CFH: variants seen among roughly 807,000 people sequenced by gnomAD.
The protein encoded by CFH is H factor 1 (complement).
Under a neutral mutation model 147.3 loss-of-function variants are expected in CFH, and 53 were observed. That is an observed-to-expected ratio of 0.36 (90% CI 0.29 to 0.45). The LOEUF is 0.45. Among genes scored for constraint, CFH ranks in the 20% least tolerant of loss-of-function variants. The pLI is 1.00. For missense variants in CFH, 1,380 were observed against 1,498.0 expected (o/e 0.92, Z 1.30); for synonymous variants, 536 against 489.4 (o/e 1.10, Z -1.26).
At chr1:196,718,905 C>A (rs937341404) in intron 11 of CFH, among the ~76,000 whole-genome samples, 1 of 151,978 alleles carries the variant, frequency 6.6e-6, no homozygotes, top group Non-Finnish European at 1.5e-5. Context: ...CGAAGAAATA[C>A]CAGCTTAGTA....
intron 11 of CFH, among the ~76,000 whole-genome samples, chr1:196,722,399 C>A (rs1413720642): frequency 6.6e-6 from 1 of 151,958 alleles, no homozygotes; most frequent in African/African-American, 2.4e-5. Context: ...CTTTAAGAAC[C>A]CTGAAAATAG....
chr1:196,656,686 G>GTTTTTTTTTT (rs563378238), intron 1 of CFH, among the ~76,000 whole-genome samples: 6 of 132,528 alleles, frequency 4.5e-5, no homozygotes, highest in Non-Finnish European at 6.4e-5. Context: ...TGTGTGTTGC[G>GTTTTTTTTTT]TTTTTTTTTT....
chr1:196,672,446 C>A (rs1005548972), intron 1 of CFH, among the ~76,000 whole-genome samples: 1 of 152,086 alleles, frequency 6.6e-6, no homozygotes, highest in Non-Finnish European at 1.5e-5. Flanking sequence ...ATTTGGAGTG[C>A]CTGTATAATT....
intron 11 of CFH, among the ~76,000 whole-genome samples, chr1:196,723,392 A>C (rs1039087021): frequency 6.6e-6 from 1 of 152,130 alleles, no homozygotes; most frequent in Admixed American, 6.6e-5. Context: ...TGGTTGTAGT[A>C]GTTATGTACT....
At chr1:196,676,115 T>TA (rs573913360) in intron 4 of CFH, 50 bp downstream of exon 4, 11 of 1,154,258 alleles carry the variant, frequency 9.5e-6, no homozygotes, top group African/African-American at 4.7e-5. Context: ...ATCTAAGATT[T>TA]AAAAAAAGTC....
chr1:196,706,130 C>T (rs1054204721), intron 9 of CFH, among the ~76,000 whole-genome samples: 1 of 151,876 alleles, frequency 6.6e-6, no homozygotes, highest in Admixed American at 6.6e-5. Context: ...TTCATCGGCA[C>T]AGAAGGCAGA....
At position 196,737,019 on chromosome 1, in the gene CFH, T is replaced by C. The variant is rs750924722; in HGVS notation, c.2596+13T>C. On this transcript the variant is annotated intron_variant, in intron 16 of 21. Coordinates refer to ENST00000367429, the MANE Select transcript of CFH (RefSeq NM_000186.4). ...CCACTCTGTGTTGGTCAGTAGTGTATAATTTGTTTTACATAATTCTTTCAA... is the reference window on the plus strand; with the variant it reads ...CCACTCTGTGTTGGTCAGTAGTGTACAATTTGTTTTACATAATTCTTTCAA... The C allele has an allele frequency of 6.3e-7, 1 of 1,599,944 alleles. No homozygotes were observed. Among genetic ancestry groups the C allele is most frequent in the South Asian group, 1.1e-5 (1 of 90,652 alleles).
intron 1 of CFH, among the ~76,000 whole-genome samples, chr1:196,664,875 T>G (rs993447908): frequency 2.0e-5 from 3 of 152,052 alleles, no homozygotes; most frequent in African/African-American, 7.2e-5. Context: ...AAAATTGAAA[T>G]TATTTGTCAA....
intron 11 of CFH, among the ~76,000 whole-genome samples, chr1:196,716,353 G>T (rs983934073): frequency 1.3e-5 from 2 of 152,098 alleles, no homozygotes. Context: ...TATATTTCAA[G>T]GTGGTAAAGC....
At chr1:196,654,905 C>A (rs919281106) in intron 1 of CFH, among the ~76,000 whole-genome samples, 1 of 152,060 alleles carries the variant, frequency 6.6e-6, no homozygotes, top group African/African-American at 2.4e-5. Flanking sequence ...AAGAATTCCC[C>A]TTTGCTCCCC....
chr1:196,675,233 C>T (rs1667415484), intron 3 of CFH, among the ~76,000 whole-genome samples: 1 of 152,102 alleles, frequency 6.6e-6, no homozygotes, highest in South Asian at 2.1e-4. Flanking sequence ...TCCCAGGGAA[C>T]TCATATTCAA....
intron 1 of CFH, among the ~76,000 whole-genome samples, chr1:196,663,858 G>A (rs1051042744): frequency 6.6e-6 from 1 of 152,022 alleles, no homozygotes; most frequent in African/African-American, 2.4e-5. Flanking sequence ...GAATTTTGTT[G>A]CTTTAGCCTA....
chr1:196,677,693 T>C, intron 5 of CFH, 26 bp downstream of exon 5: 1 of 1,594,954 alleles, frequency 6.3e-7, no homozygotes, highest in Admixed American at 1.7e-5. Context: ...TGTTTTAGTA[T>C]TTTTAGCTTT....
chr1:196,742,003 A>G lies in CFH; in HGVS notation c.3085A>G (p.Asn1029Asp). 3 of 1,614,220 alleles carry G rather than the reference A, an allele frequency of 1.9e-6. No individual in the cohort carries two copies. The highest frequency in any genetic ancestry group is 3.3e-4 in the Middle Eastern group (2 of 6,062). Reference protein sequence around the residue: ...ATYYKMDGASNVTCINSRWTG... With the variant: ...ATYYKMDGASDVTCINSRWTG... ...ATATTACAAAATGGATGGAGCCAGT[A>G]ATGTAACATGCATTAATAGCAGATG... The change falls in exon 19 of 22, where the codon AAT becomes GAT. Residue 1029 changes from asparagine (N) to aspartate (D), a missense_variant. Physicochemically the swap from Asn to Asp is conservative, Grantham distance 23. Around this residue, in one of 4 missense-constraint regions of CFH, gnomAD observed 830 missense variants for 821.4 expected, o/e 1.01. Coordinates refer to ENST00000367429, the MANE Select transcript of CFH (RefSeq NM_000186.4).
chr1:196,664,212 T>C (rs1667001681), intron 1 of CFH, among the ~76,000 whole-genome samples: 1 of 151,956 alleles, frequency 6.6e-6, no homozygotes, highest in Non-Finnish European at 1.5e-5. Flanking sequence ...TGTGCCACCA[T>C]GGGTAACTAA....
rs1184189676 is a variant in CFH at position 196,740,494 on chromosome 1, T to A, written c.2783-125T>A. On this transcript the variant is annotated intron_variant, in intron 17 of 21. Coordinates refer to ENST00000367429, the MANE Select transcript of CFH (RefSeq NM_000186.4). ...TAGTTTTAGGAAACATTTGTGTTACTTCTCTGTGATGTCATAGTAGCTCCT... is the reference window on the plus strand; with the variant it reads ...TAGTTTTAGGAAACATTTGTGTTACATCTCTGTGATGTCATAGTAGCTCCT... The A allele has an allele frequency of 3.2e-6, 3 of 927,642 alleles. No homozygotes were observed. In the African/African-American group the frequency reaches 5.0e-5, roughly 16 times the overall value. The allele number at this position is 927,642 out of a possible 1,614,324, so 57.5% of individuals were successfully genotyped here. A position where few individuals can be genotyped will look rare whatever the true frequency, so the allele number is the denominator to read the frequency against.
chr1:196,738,539 G>A (rs910470287), intron 17 of CFH, among the ~76,000 whole-genome samples: 2 of 152,154 alleles, frequency 1.3e-5, no homozygotes, highest in African/African-American at 2.4e-5. Flanking sequence ...ATGCTTGATG[G>A]AAGTCTGAAA....
chr1:196,746,487 A>C (rs1293257000), intron 21 of CFH, among the ~76,000 whole-genome samples: 2 of 152,222 alleles, frequency 1.3e-5, no homozygotes, highest in Non-Finnish European at 2.9e-5. Context: ...TTCTCTTTAT[A>C]TTTATATTTT....
chr1:196,733,694 C>A (rs1206125473), intron 15 of CFH, among the ~76,000 whole-genome samples: 6 of 151,984 alleles, frequency 3.9e-5, no homozygotes, highest in African/African-American at 1.4e-4. Flanking sequence ...AGAATACAGT[C>A]CCTGAATGAA....
Sources: gnomAD v4.1 joint callset for allele counts (sites outside exome capture counted in the v4.1 genomes callset) on GRCh38, gnomAD v4.1.1 for gene constraint, gnomAD v4.1.1 regional missense constraint, MANE v1.5 for transcripts, NCBI Gene and HGNC (gene_info 2026-07-23, HGNC 2026-07-21) for gene names.